Variants in SLC38A8 observed in about 807,000 individuals in gnomAD.
SLC38A8 encodes the protein amino acid transporter SLC38A8.
SLC38A8 carries 65 observed loss-of-function variants against 46.0 expected under a neutral mutation model. The observed-to-expected ratio is 1.41, with a 90% CI of 1.16 to 1.74. The LOEUF is 1.74. SLC38A8 is among the 40% of genes most tolerant of loss of function. SLC38A8 has a pLI of 0.00. For synonymous variants in SLC38A8, 447 were observed against 243.7 expected, an observed-to-expected ratio of 1.83 and a Z score of -7.77; for missense variants, 998 against 567.9, an observed-to-expected ratio of 1.76 and a Z score of -7.70.
intron 9 of SLC38A8, among the ~76,000 whole-genome samples, chr16:84,016,219 T>C (rs992611539): frequency 6.6e-6 from 1 of 152,208 alleles, no homozygotes. Context: ...TCCCCATGAT[T>C]CAACTATCTC....
intron 9 of SLC38A8, among the ~76,000 whole-genome samples, chr16:84,015,231 G>C (rs1321189030): frequency 6.6e-6 from 1 of 152,114 alleles, no homozygotes; most frequent in Non-Finnish European, 1.5e-5. Context: ...TGCGGATCTG[G>C]AGTCTCTGTT....
chr16:84,042,297 C>G, intron 1 of SLC38A8, 138 bp from the exon 2 acceptor site: 5 of 911,042 alleles, frequency 5.5e-6, no homozygotes, highest in Non-Finnish European at 8.0e-6. Flanking sequence ...GTCAGCTCCC[C>G]CTTTCCAAAG....
intron 3 of SLC38A8, among the ~76,000 whole-genome samples, chr16:84,036,170 C>A (rs28593094): frequency 6.6e-6 from 1 of 152,230 alleles, no homozygotes. Flanking sequence ...CACTACAATT[C>A]TAAACATCTC....
intron 9 of SLC38A8, among the ~76,000 whole-genome samples, chr16:84,014,360 G>A (rs917265081): frequency 1.3e-5 from 2 of 151,450 alleles, no homozygotes; most frequent in African/African-American, 4.9e-5. Flanking sequence ...AGAACTGAGG[G>A]AGGAGTCGTG....
chr16:84,033,483 G>T lies in SLC38A8; in HGVS notation c.389-14C>A. 6.3e-7 allele frequency: 1 copy of T among 1,584,778 alleles called. No homozygotes were observed. The highest frequency in any genetic ancestry group is 8.6e-7 in the Non-Finnish European group (1 of 1,166,324). On this transcript the variant is annotated splice_polypyrimidine_tract_variant and intron_variant, in intron 3 of 10. Transcript: ENST00000299709. ...GGGAGTCACACACTGCCAGAGACAC[G>T]GGGAGAGCTGAGCCACAGAGTACAA...
At chr16:84,029,070 G>A (rs552537010) in intron 6 of SLC38A8, among the ~76,000 whole-genome samples, 4 of 152,092 alleles carry the variant, frequency 2.6e-5, no homozygotes, top group Admixed American at 2.6e-4. Flanking sequence ...GATCTTTCCT[G>A]CCCAAGGCCC....
chr16:84,029,434 CAG>C (rs1408886936), intron 6 of SLC38A8, 58 bp downstream of exon 6: 10 of 1,578,956 alleles, frequency 6.3e-6, no homozygotes, highest in African/African-American at 5.4e-5. Context: ...CCCAAGGGAG[CAG>C]AGAGTCACCC....
chr16:84,017,997 T>G (rs1021591524), intron 7 of SLC38A8, among the ~76,000 whole-genome samples: 5 of 152,170 alleles, frequency 3.3e-5, no homozygotes, highest in Admixed American at 3.3e-4. Flanking sequence ...CCAGCAAGTT[T>G]CCTGGATAAC....
At chr16:84,033,194 A>ATTTTTTTTTTTTTT in intron 4 of SLC38A8, 134 bp downstream of exon 4, 2 of 1,192,068 alleles carry the variant, frequency 1.7e-6, no homozygotes, top group Non-Finnish European at 1.2e-6. Context: ...TACTTGTATA[A>ATTTTTTTTTTTTTT]TTTTTTTTTC....
chr16:84,039,466 C>T (rs539606344), intron 2 of SLC38A8, among the ~76,000 whole-genome samples: 14 of 152,074 alleles, frequency 9.2e-5, no homozygotes, highest in East Asian at 1.9e-4. Flanking sequence ...GCAGGGGGGC[C>T]GGGTACGGTG....
In SLC38A8 at chr16:84,012,797, G is replaced by C. The variant is rs11864124; in HGVS notation, c.1214+204C>G. Among the ~76,000 whole-genome samples, 48,297 of 152,058 alleles carry C rather than the reference G, an allele frequency of 0.32. 9,636 individuals are homozygous for C. Among genetic ancestry groups the C allele is most frequent in the African/African-American group, 0.57 (23,796 of 41,446 alleles). ...CTCAGAGTGGAAGGGAAGGCCCTTG[G>C]AGGACCCGGTGTTACTGGCCCGGGC... On this transcript the variant is annotated intron_variant, in intron 10 of 10. Coordinates refer to ENST00000299709, the MANE Select transcript of SLC38A8 (RefSeq NM_001080442.3).
rs2085382698 is a variant in SLC38A8 at position 84,042,788 on chromosome 16, G to C, written c.-240C>G. Among the ~76,000 whole-genome samples, 1 of 152,200 alleles carries C rather than the reference G, an allele frequency of 6.6e-6. No homozygotes were observed. The highest frequency in any genetic ancestry group is 1.5e-5 in the Non-Finnish European group (1 of 68,036). On this transcript the variant is annotated 5_prime_UTR_variant, in exon 1 of 11. Transcript: ENST00000299709. ...AAGTGGTCAGGGCCATGGGTCCCAA[G>C]AATTTGCAGCTTTTGAGACTTCTGA... is the stretch of plus-strand genomic sequence containing the variant.
At chr16:84,025,618 C>G (rs1365727307) in intron 6 of SLC38A8, among the ~76,000 whole-genome samples, 1 of 152,178 alleles carries the variant, frequency 6.6e-6, no homozygotes, top group South Asian at 2.1e-4. Flanking sequence ...CCTACCCATC[C>G]CGTGAACCCA....
intron 10 of SLC38A8, among the ~76,000 whole-genome samples, chr16:84,011,732 A>G (rs2084956383): frequency 1.3e-5 from 2 of 152,180 alleles, no homozygotes; most frequent in Admixed American, 6.5e-5. Flanking sequence ...TTATAAAAGA[A>G]AGGCAGCCAG....
intron 6 of SLC38A8, among the ~76,000 whole-genome samples, chr16:84,023,282 C>A (rs9319450): frequency 6.6e-6 from 1 of 151,986 alleles, no homozygotes; most frequent in Non-Finnish European, 1.5e-5. Context: ...TGCGGCCCAA[C>A]CCCAGCCAAT....
chr16:84,035,764 A>G (rs2085293470), intron 3 of SLC38A8, among the ~76,000 whole-genome samples: 1 of 152,262 alleles, frequency 6.6e-6, no homozygotes, highest in African/African-American at 2.4e-5. Context: ...TAATAAAAGG[A>G]TATACCTAGA....
At chr16:84,013,501 G>A (rs2084983027) in intron 9 of SLC38A8, among the ~76,000 whole-genome samples, 2 of 138,460 alleles carry the variant, frequency 1.4e-5, no homozygotes, top group Non-Finnish European at 3.0e-5. Flanking sequence ...CACCATCTCG[G>A]CTCACTGCAA....
At chr16:84,040,000 T>C (rs1175873027) in intron 2 of SLC38A8, 1 of 152,222 alleles carries the variant, frequency 6.6e-6, no homozygotes, top group East Asian at 1.9e-4. Context: ...TGAGATCAGA[T>C]GAGATCAGGT....
chr16:84,013,667 G>A (rs374071782), intron 9 of SLC38A8, among the ~76,000 whole-genome samples: 13 of 151,412 alleles, frequency 8.6e-5, no homozygotes, highest in Non-Finnish European at 1.8e-4. Context: ...TTGACCTCGT[G>A]ATCCGCCCGC....
Sources: allele counts gnomAD v4.1 joint callset (sites outside exome capture counted in the v4.1 genomes callset), GRCh38; gene constraint gnomAD v4.1.1; transcripts MANE v1.5; gene names NCBI Gene and HGNC (gene_info 2026-07-23, HGNC 2026-07-21).